WWC1: variants seen among roughly 807,000 people sequenced by gnomAD.
WWC1 encodes WW and C2 domain containing 1, also known as protein KIBRA.
Under a neutral mutation model 138.4 loss-of-function variants are expected in WWC1, and 55 were observed. The ratio of observed to expected loss-of-function variants is 0.40; its 90% CI spans 0.32 to 0.50. WWC1 has a LOEUF of 0.50. Among genes scored for constraint, WWC1 ranks in the 20% least tolerant of loss-of-function variants. The probability of loss-of-function intolerance (pLI) is 0.72; values close to 1 mark genes in which losing one functional copy is unlikely to be tolerated. For missense variants in WWC1, 1,226 were observed against 1,420.4 expected (o/e 0.86, Z 2.20); for synonymous variants, 524 against 564.9 (o/e 0.93, Z 1.03).
At position 168,428,134 on chromosome 5, in the gene WWC1, G is replaced by A. The variant is rs747331058; in HGVS notation, c.1912G>A (p.Val638Met). The A allele has an allele frequency of 7.4e-6, 12 of 1,612,782 alleles. No homozygotes were observed. The highest frequency in any genetic ancestry group is 4.0e-5 in the African/African-American group (3 of 74,854). ...AGACAGTGGTGTGTACGAGGCTTCC[G>A]TGCAGAGGTAGGTGTCTGGGTGCTG... ...AGDSGVYEAS[V>M]QRLGASEAAA... The change falls in exon 12 of 23, where the codon GTG becomes ATG. Residue 638 changes from valine to methionine, a missense_variant. Val to Met is a conservative substitution (Grantham distance 21). Transcript: ENST00000265293.
chr5:168,449,339 C>G (rs1755584954), intron 17 of WWC1, among the ~76,000 whole-genome samples: 1 of 152,102 alleles, frequency 6.6e-6, no homozygotes, highest in African/African-American at 2.4e-5. Flanking sequence ...TCTAGACAAA[C>G]CTGTTTTGCA....
chr5:168,355,596 C>T (rs1284762093), intron 1 of WWC1, among the ~76,000 whole-genome samples: 4 of 151,282 alleles, frequency 2.6e-5, no homozygotes, highest in Admixed American at 6.6e-5. Flanking sequence ...TCCCAGGCAG[C>T]GAGACCTGCG....
chr5:168,332,781 T>C (rs557875894), intron 1 of WWC1, among the ~76,000 whole-genome samples: 3 of 152,056 alleles, frequency 2.0e-5, no homozygotes, highest in Non-Finnish European at 4.4e-5. Flanking sequence ...CAATCTCAGC[T>C]CACTGTAACC....
At chr5:168,336,042 G>T (rs1018198778) in intron 1 of WWC1, among the ~76,000 whole-genome samples, 3 of 152,144 alleles carry the variant, frequency 2.0e-5, no homozygotes, top group African/African-American at 7.2e-5. Context: ...TGTTGTTTTA[G>T]CAATGGAACC....
At chr5:168,447,505 T>C (rs187040713) in intron 17 of WWC1, among the ~76,000 whole-genome samples, 66 of 152,320 alleles carry the variant, frequency 4.3e-4, no homozygotes, top group African/African-American at 1.5e-3. Flanking sequence ...TTGCATTTTA[T>C]ATAATTTGCA....
chr5:168,465,016 G>A (rs1253988106), intron 21 of WWC1, 54 bp downstream of exon 21: 2 of 1,588,214 alleles, frequency 1.3e-6, no homozygotes, highest in Non-Finnish European at 1.7e-6. Flanking sequence ...AGAGAGTCGG[G>A]GGGCACTGCC....
At chr5:168,339,640 T>C (rs934540424) in intron 1 of WWC1, among the ~76,000 whole-genome samples, 4 of 152,150 alleles carry the variant, frequency 2.6e-5, no homozygotes, top group Non-Finnish European at 5.9e-5. Flanking sequence ...GGCTGTGAGG[T>C]TGAAATAAGG....
At chr5:168,428,830 G>A in intron 13 of WWC1, 43 bp downstream of exon 13, 1 of 1,604,064 alleles carries the variant, frequency 6.2e-7, no homozygotes, top group Non-Finnish European at 8.5e-7. Flanking sequence ...CGGTCTGTGT[G>A]GGGTCCCTTC....
rs569815903 is a variant in WWC1 at position 168,292,061 on chromosome 5, C to G, written c.-92C>G. ...CACCCCCCGGATCATGGTGCCTCGG[C>G]GGCCGCCCGGGCTAAGAGCGGCCGG... On this transcript the variant is annotated 5_prime_UTR_variant, in exon 1 of 23. Coordinates refer to ENST00000265293, the MANE Select transcript of WWC1 (RefSeq NM_015238.3). The surrounding 1 kb of genome is among the most constrained non-coding windows in gnomAD (Gnocchi z 4.4). 7.3e-7 allele frequency: 1 copy of G among 1,370,970 alleles called. No individual in the cohort carries two copies. The highest frequency in any genetic ancestry group is 1.5e-5 in the African/African-American group (1 of 64,660). The allele number at this position is 1,370,970 out of a possible 1,614,324, so 84.9% of individuals were successfully genotyped here.
intron 1 of WWC1, among the ~76,000 whole-genome samples, chr5:168,369,600 C>G (rs1776581099): frequency 6.6e-6 from 1 of 152,166 alleles, no homozygotes; most frequent in African/African-American, 2.4e-5. Flanking sequence ...ACATCACATA[C>G]CTCTGGCCTC....
chr5:168,301,804 T>C (rs1770110131), intron 1 of WWC1, among the ~76,000 whole-genome samples: 1 of 152,134 alleles, frequency 6.6e-6, no homozygotes, highest in African/African-American at 2.4e-5. Flanking sequence ...CCTTTCCAGT[T>C]AGGCCAACCT....
At chr5:168,444,879 A>G (rs1755104842) in intron 17 of WWC1, among the ~76,000 whole-genome samples, 1 of 148,734 alleles carries the variant, frequency 6.7e-6, no homozygotes, top group African/African-American at 2.5e-5. Context: ...AAAAAAAAGT[A>G]AAGAAACTTT....
At chr5:168,423,149 C>CCAA (rs776459903) in intron 10 of WWC1, among the ~76,000 whole-genome samples, 1 of 71,308 alleles carries the variant, frequency 1.4e-5, no homozygotes, top group Non-Finnish European at 2.5e-5. Flanking sequence ...CATCCCCCCC[C>CCAA]AAAAAAAAAA....
chr5:168,339,815 T>C (rs1383441132), intron 1 of WWC1, among the ~76,000 whole-genome samples: 4 of 97,162 alleles, frequency 4.1e-5, no homozygotes, highest in Non-Finnish European at 1.0e-4. Flanking sequence ...TTTTTCTTTC[T>C]TTCTTTCTTT....
chr5:168,336,571 C>CAAAAAAAA (rs57339649), intron 1 of WWC1, among the ~76,000 whole-genome samples: 7 of 58,014 alleles, frequency 1.2e-4, no homozygotes, highest in African/African-American at 3.2e-4. Flanking sequence ...GACTCTGTCT[C>CAAAAAAAA]AAAAAAAAAA....
At chr5:168,399,988 T>C (rs1779191451) in intron 5 of WWC1, among the ~76,000 whole-genome samples, 3 of 152,146 alleles carry the variant, frequency 2.0e-5, no homozygotes, top group Non-Finnish European at 4.4e-5. Context: ...ACTAAGTGCT[T>C]CAGTGAAGGA....
chr5:168,412,247 A>C (rs1780282625), intron 8 of WWC1: 1 of 954,822 alleles, frequency 1.0e-6, no homozygotes. Context: ...TTGCCCCTCC[A>C]CCCGAAGCTC....
At chr5:168,455,546 G>T in intron 19 of WWC1, 26 bp downstream of exon 19, 1 of 1,607,218 alleles carries the variant, frequency 6.2e-7, no homozygotes, top group Non-Finnish European at 8.5e-7. Flanking sequence ...GCCCTCTTCT[G>T]CTCCCCTCAG....
intron 19 of WWC1, among the ~76,000 whole-genome samples, chr5:168,457,669 T>A (rs1395519573): frequency 6.6e-6 from 1 of 152,096 alleles, no homozygotes; most frequent in Non-Finnish European, 1.5e-5. Context: ...ACAGCCAAAA[T>A]CACACCACAA....
Sources: gnomAD v4.1 joint callset for allele counts (sites outside exome capture counted in the v4.1 genomes callset) on GRCh38, gnomAD v4.1.1 for gene constraint, Gnocchi (gnomAD v3.1) non-coding constraint, MANE v1.5 for transcripts, NCBI Gene and HGNC (gene_info 2026-07-23, HGNC 2026-07-21) for gene names.